Variants in ADGRB3 observed in about 807,000 individuals in gnomAD.
The protein encoded by ADGRB3 is adhesion G protein-coupled receptor B3, also known as brain-specific angiogenesis inhibitor 3.
A neutral mutation model predicts 193.4 loss-of-function variants in ADGRB3; 37 were observed. The observed-to-expected ratio is 0.19, with a 90% CI of 0.15 to 0.25. The LOEUF (loss-of-function observed/expected upper bound fraction) is 0.25. Among genes scored for constraint, ADGRB3 ranks in the 10% least tolerant of loss-of-function variants. The pLI is 1.00. For synonymous variants in ADGRB3, 690 were observed against 644.2 expected, an observed-to-expected ratio of 1.07 and a Z score of -1.08; for missense variants, 1,637 against 1,852.9, an observed-to-expected ratio of 0.88 and a Z score of 2.14.
chr6:68,805,510 T>A (rs1194559201), intron 3 of ADGRB3, among the ~76,000 whole-genome samples: 1 of 152,194 alleles, frequency 6.6e-6, no homozygotes, highest in Non-Finnish European at 1.5e-5. Flanking sequence ...TTATTTTACC[T>A]TAATCCATAA....
intron 6 of ADGRB3, among the ~76,000 whole-genome samples, chr6:68,948,917 C>G (rs374186192): frequency 6.6e-6 from 1 of 152,026 alleles, no homozygotes; most frequent in East Asian, 1.9e-4. Flanking sequence ...GATTAAAGTT[C>G]AGTCACAATC....
intron 24 of ADGRB3, among the ~76,000 whole-genome samples, chr6:69,335,978 AT>A (rs780557818): frequency 1.6e-4 from 24 of 152,198 alleles, no homozygotes; most frequent in Admixed American, 1.1e-3. Context: ...TGTTTAATAA[AT>A]AATACAATAG....
chr6:68,722,903 A>C (rs1027305892), intron 3 of ADGRB3, among the ~76,000 whole-genome samples: 3 of 151,718 alleles, frequency 2.0e-5, no homozygotes, highest in African/African-American at 7.3e-5. Context: ...CAAACAAAAA[A>C]GGCAAAAAAA....
At chr6:69,035,446 TAGTCAAG>T (rs1249532197) in intron 13 of ADGRB3, among the ~76,000 whole-genome samples, 1 of 152,128 alleles carries the variant, frequency 6.6e-6, no homozygotes, top group African/African-American at 2.4e-5. Flanking sequence ...ATATAATAAT[TAGTCAAG>T]AGAGGAGTTG....
At chr6:69,360,556 AT>A (rs1769428898) in intron 28 of ADGRB3, among the ~76,000 whole-genome samples, 1 of 151,926 alleles carries the variant, frequency 6.6e-6, no homozygotes, top group Non-Finnish European at 1.5e-5. Context: ...GTAATCTCCT[AT>A]TTCCCTGAAA....
chr6:69,089,380 G>A (rs1772642058), intron 17 of ADGRB3, among the ~76,000 whole-genome samples: 1 of 152,092 alleles, frequency 6.6e-6, no homozygotes, highest in African/African-American at 2.4e-5. Flanking sequence ...ATGTCAATTA[G>A]GTGCTCATAA....
chr6:68,796,308 G>A (rs1767207013), intron 3 of ADGRB3, among the ~76,000 whole-genome samples: 2 of 151,812 alleles, frequency 1.3e-5, no homozygotes, highest in Non-Finnish European at 2.9e-5. Context: ...CTGCCTAAAT[G>A]TCATTTTTTC....
intron 3 of ADGRB3, among the ~76,000 whole-genome samples, chr6:68,770,678 T>A (rs909508595): frequency 5.9e-5 from 9 of 152,244 alleles, no homozygotes; most frequent in African/African-American, 2.2e-4. Context: ...TTTTTAGATC[T>A]TATTTTATTC....
At chr6:68,656,405 A>G (rs1768490664) in intron 3 of ADGRB3, among the ~76,000 whole-genome samples, 1 of 151,572 alleles carries the variant, frequency 6.6e-6, no homozygotes, top group South Asian at 2.1e-4. Context: ...TTGCTCAGTT[A>G]TAAAGATCAA....
rs1561996932 is a variant in ADGRB3, at chr6:69,354,338, T to TA, written c.3555+11dup. ...GCATGCTCAAATCATGGTGAGTTTT[T>TA]ATTTTTCCCCGATTGTTAATTAACT... is the stretch of plus-strand genomic sequence containing the variant. On this transcript the variant is annotated intron_variant, in intron 27 of 31. Transcript: ENST00000370598. The TA allele has an allele frequency of 6.3e-7, 1 of 1,595,974 alleles. No homozygotes were observed. The highest frequency in any genetic ancestry group is 1.3e-5 in the African/African-American group (1 of 74,612).
chr6:68,709,900 C>G (rs148952069), intron 3 of ADGRB3, among the ~76,000 whole-genome samples: 1 of 152,308 alleles, frequency 6.6e-6, no homozygotes, highest in East Asian at 1.9e-4. Context: ...CTGAAAACCA[C>G]TACATTTTTG....
chr6:68,701,653 A>G (rs992329741), intron 3 of ADGRB3, among the ~76,000 whole-genome samples: 1 of 152,038 alleles, frequency 6.6e-6, no homozygotes, highest in African/African-American at 2.4e-5. Context: ...ATTAAATCTC[A>G]TTTTTTGCCA....
At chr6:69,127,042 T>G (rs1450286831) in intron 17 of ADGRB3, among the ~76,000 whole-genome samples, 1 of 152,218 alleles carries the variant, frequency 6.6e-6, no homozygotes, top group African/African-American at 2.4e-5. Flanking sequence ...AGAGAACTTT[T>G]GAGAATAGTG....
intron 17 of ADGRB3, among the ~76,000 whole-genome samples, chr6:69,228,799 G>A (rs1465955678): frequency 1.3e-5 from 2 of 152,114 alleles, no homozygotes; most frequent in African/African-American, 2.4e-5. Flanking sequence ...TACAATAAAA[G>A]TTTAGCATTA....
chr6:69,234,028 A>G (rs1054104161), intron 18 of ADGRB3, among the ~76,000 whole-genome samples: 6 of 152,324 alleles, frequency 3.9e-5, no homozygotes, highest in Middle Eastern at 3.4e-3. Context: ...TAATATTCTC[A>G]TCAATTGTAT....
chr6:69,075,245 T>C (rs957518799), intron 16 of ADGRB3, among the ~76,000 whole-genome samples: 7 of 152,176 alleles, frequency 4.6e-5, no homozygotes, highest in Admixed American at 1.3e-4. Flanking sequence ...ACCAACAGTA[T>C]ATGTTTAATG....
intron 3 of ADGRB3, among the ~76,000 whole-genome samples, chr6:68,887,900 A>T (rs62416405): frequency 6.6e-6 from 1 of 152,098 alleles, no homozygotes; most frequent in Non-Finnish European, 1.5e-5. Context: ...CAAGTTCGTT[A>T]TGAACAATCA....
chr6:68,841,663 C>T (rs1768161404), intron 3 of ADGRB3, among the ~76,000 whole-genome samples: 1 of 151,942 alleles, frequency 6.6e-6, no homozygotes, highest in South Asian at 2.1e-4. Flanking sequence ...AGTAGAAAAA[C>T]TTCAAATAAA....
intron 3 of ADGRB3, among the ~76,000 whole-genome samples, chr6:68,712,256 G>A (rs1321914542): frequency 6.6e-6 from 1 of 151,736 alleles, no homozygotes; most frequent in Non-Finnish European, 1.5e-5. Context: ...AAATAAAGAG[G>A]CGGCAATTTT....
Sources: allele counts gnomAD v4.1 joint callset (sites outside exome capture counted in the v4.1 genomes callset), GRCh38; gene constraint gnomAD v4.1.1; transcripts MANE v1.5; gene names NCBI Gene and HGNC (gene_info 2026-07-23, HGNC 2026-07-21).